PCSK1: variants seen among roughly 807,000 people sequenced by gnomAD.
PCSK1 encodes neuroendocrine convertase 1.
A neutral mutation model predicts 90.6 loss-of-function variants in PCSK1; 56 were observed. The observed-to-expected ratio is 0.62, with a 90% CI of 0.50 to 0.77. The LOEUF (loss-of-function observed/expected upper bound fraction) is 0.77, where lower values mean the gene tolerates loss of function less well. Ranked by LOEUF, PCSK1 falls within the 30% of genes least tolerant of loss-of-function variation. PCSK1 has a pLI of 0.00. For missense variants in PCSK1, 801 were observed against 932.6 expected, an observed-to-expected ratio of 0.86 and a Z score of 1.84; for synonymous variants, 348 against 342.4, an observed-to-expected ratio of 1.02 and a Z score of -0.18.
chr5:96,426,637 G>A (rs1421001717), intron 2 of PCSK1, among the ~76,000 whole-genome samples: 1 of 152,180 alleles, frequency 6.6e-6, no homozygotes, highest in Non-Finnish European at 1.5e-5. Flanking sequence ...CCCTGAGAGA[G>A]TGAGGGGCTG....
At chr5:96,419,823 G>T (rs1031547632) in intron 5 of PCSK1, among the ~76,000 whole-genome samples, 3 of 152,094 alleles carry the variant, frequency 2.0e-5, no homozygotes, top group Admixed American at 6.5e-5. Flanking sequence ...TATTATAAAT[G>T]CTGTGCTGTG....
intron 8 of PCSK1, among the ~76,000 whole-genome samples, chr5:96,409,268 G>A (rs1163052540): frequency 2.6e-5 from 4 of 152,126 alleles, no homozygotes; most frequent in South Asian, 2.1e-4. Flanking sequence ...TCGAGATTTC[G>A]ATGTGTGGGA....
At chr5:96,431,976 C>T in intron 1 of PCSK1, 1 of 751,444 alleles carries the variant, frequency 1.3e-6, no homozygotes, top group Non-Finnish European at 2.3e-6. Flanking sequence ...AGCAGTCTCC[C>T]ACTTAATGTC....
chr5:96,419,091 T>C (rs1268880539), intron 5 of PCSK1, among the ~76,000 whole-genome samples: 3 of 152,036 alleles, frequency 2.0e-5, no homozygotes, highest in Admixed American at 6.6e-5. Context: ...TTAAGCCATA[T>C]ATATACATAT....
At chr5:96,422,007 A>G in intron 4 of PCSK1, 51 bp from the exon 5 acceptor site, 3 of 962,486 alleles carry the variant, frequency 3.1e-6, no homozygotes, top group Non-Finnish European at 4.9e-6. Context: ...AAAAAAAAAA[A>G]AAAAAAAAAA....
intron 9 of PCSK1, among the ~76,000 whole-genome samples, chr5:96,401,694 C>A (rs1760381134): frequency 6.6e-6 from 1 of 152,130 alleles, no homozygotes; most frequent in South Asian, 2.1e-4. Flanking sequence ...CCTTCCATTG[C>A]ACTTATAGGC....
intron 1 of PCSK1, among the ~76,000 whole-genome samples, chr5:96,429,661 G>A (rs1039046477): frequency 4.6e-5 from 7 of 152,012 alleles, no homozygotes; most frequent in Non-Finnish European, 5.9e-5. Flanking sequence ...ATGTATTTAC[G>A]TGTTCTCATC....
intron 5 of PCSK1, among the ~76,000 whole-genome samples, chr5:96,421,225 G>T (rs866175824): frequency 6.6e-6 from 1 of 152,298 alleles, no homozygotes; most frequent in South Asian, 2.1e-4. Flanking sequence ...GTGGCTCTTG[G>T]CCTCTCTCAC....
At chr5:96,410,732 C>A in intron 8 of PCSK1, 42 bp downstream of exon 8, 3 of 1,483,658 alleles carry the variant, frequency 2.0e-6, no homozygotes, top group Non-Finnish European at 2.8e-6. Context: ...GCATGCCACG[C>A]TCTCCTAACT....
intron 12 of PCSK1, among the ~76,000 whole-genome samples, chr5:96,395,641 G>A (rs1407685159): frequency 2.0e-5 from 3 of 152,166 alleles, no homozygotes; most frequent in Non-Finnish European, 2.9e-5. Context: ...GGGCCTGTCA[G>A]GGAGTAGGGG....
chr5:96,421,514 G>T (rs985057219), intron 5 of PCSK1, among the ~76,000 whole-genome samples: 7 of 152,168 alleles, frequency 4.6e-5, no homozygotes, highest in African/African-American at 1.7e-4. Flanking sequence ...TTCTTTTCAT[G>T]ACTAACATAA....
chr5:96,425,906 C>G lies in PCSK1; in HGVS notation c.310G>C (p.Glu104Gln). 1 of 1,611,064 alleles carries G rather than the reference C, an allele frequency of 6.2e-7. No homozygotes were observed. Among genetic ancestry groups the G allele is most frequent in the African/African-American group, 1.3e-5 (1 of 74,972 alleles). ...DRVIWAEQQY[E>Q]KERSKRSALR... ...GCTGAACGTTTACTTCTTTCTTTTT[C>G]ATACTGTTGTTCAGCCCATATCACC... is the stretch of plus-strand genomic sequence containing the variant. The change falls in exon 3 of 14, where the codon GAA becomes CAA. Residue 104 changes from glutamate to glutamine, a missense_variant. Glu to Gln is a conservative substitution (Grantham distance 29, BLOSUM62 2). Coordinates refer to ENST00000311106, the MANE Select transcript of PCSK1 (RefSeq NM_000439.5).
intron 5 of PCSK1, among the ~76,000 whole-genome samples, chr5:96,421,005 A>C (rs541173520): frequency 2.6e-5 from 4 of 152,228 alleles, no homozygotes; most frequent in African/African-American, 9.6e-5. Flanking sequence ...TTCTGTGTAG[A>C]GAAAATGAAA....
rs1761434893 is a variant in PCSK1 at position 96,429,803 on chromosome 5, GA to G, written c.181-487del. On this transcript the variant is annotated intron_variant, in intron 1 of 13. Coordinates refer to ENST00000311106, the MANE Select transcript of PCSK1 (RefSeq NM_000439.5). ...AAGGCACTGATAGAGGTCTTAAGAT[GA>G]CCCTCAGAATATTATTGCTTGAGTT... Among the ~76,000 whole-genome samples the G allele has an allele frequency of 2.0e-5, 3 of 152,140 alleles. No individual in the cohort carries two copies. The South Asian group carries it at 6.2e-4, about 32-fold the overall frequency.
intron 6 of PCSK1, among the ~76,000 whole-genome samples, chr5:96,412,755 T>TTTTG (rs1760807835): frequency 2.1e-5 from 3 of 141,320 alleles, no homozygotes; most frequent in Admixed American, 6.9e-5. Context: ...CTGTGATGTT[T>TTTTG]TTTTTTTTTT....
intron 5 of PCSK1, among the ~76,000 whole-genome samples, chr5:96,419,447 C>CTCCCTCTCTCTCTT (rs1554059301): frequency 0.024 from 3,583 of 148,174 alleles, 142 homozygotes; most frequent in African/African-American, 0.084. Flanking sequence ...CTCTCTCTCT[C>CTCCCTCTCTCTCTT]TATATATATA....
In PCSK1 at chr5:96,391,664, C is replaced by T. The variant is rs539921041; in HGVS notation, c.*1337G>A. The T allele has an allele frequency of 8.5e-5, 13 of 152,332 alleles. No homozygotes were observed. Among genetic ancestry groups the T allele is most frequent in the African/African-American group, 3.1e-4 (13 of 41,562 alleles). The allele number at this position is 152,332 out of a possible 1,614,324, so 9.4% of individuals were successfully genotyped here. A position where few individuals can be genotyped will look rare whatever the true frequency, so the allele number is the denominator to read the frequency against. On this transcript the variant is annotated 3_prime_UTR_variant, in exon 14 of 14. Transcript: ENST00000311106. ...TACTGCCCAGCAAGGAATCAAGTGC[C>T]TGCTCTAGGTAACATGGAGCAGGGT...
intron 3 of PCSK1, among the ~76,000 whole-genome samples, chr5:96,425,042 A>AAG (rs1761255476): frequency 7.1e-6 from 1 of 140,488 alleles, no homozygotes; most frequent in African/African-American, 2.9e-5. Flanking sequence ...GAAAGAAAGA[A>AAG]AGAAAGAAAG....
At chr5:96,410,605 A>T (rs767943641) in intron 8 of PCSK1, among the ~76,000 whole-genome samples, 169 bp downstream of exon 8, 18 of 152,110 alleles carry the variant, frequency 1.2e-4, no homozygotes, top group Non-Finnish European at 2.6e-4. Flanking sequence ...CCCTGGAGAG[A>T]AAACTTTCTG....
Sources: gnomAD v4.1 joint callset for allele counts (sites outside exome capture counted in the v4.1 genomes callset) on GRCh38, gnomAD v4.1.1 for gene constraint, MANE v1.5 for transcripts, NCBI Gene and HGNC (gene_info 2026-07-23, HGNC 2026-07-21) for gene names.